Variants in CYTH1 observed in about 807,000 individuals in gnomAD.
CYTH1 encodes the protein cytohesin 1.
CYTH1 carries 18 observed loss-of-function variants against 61.8 expected under a neutral mutation model. The ratio of observed to expected loss-of-function variants is 0.29; its 90% CI spans 0.20 to 0.43. The LOEUF is 0.43. Ranked by LOEUF, CYTH1 falls within the 20% of genes least tolerant of loss-of-function variation. The pLI is 1.00. For synonymous variants in CYTH1, 174 were observed against 184.3 expected (o/e 0.94, Z 0.45); for missense variants, 336 against 510.5 (o/e 0.66, Z 3.29).
intron 1 of CYTH1, among the ~76,000 whole-genome samples, chr17:78,770,076 G>A (rs1379389548): frequency 6.6e-6 from 1 of 151,904 alleles, no homozygotes; most frequent in Admixed American, 6.6e-5. Context: ...CCTAAGCCAG[G>A]GAGTCAGAGG....
At chr17:78,690,260 C>G (rs998736680) in intron 11 of CYTH1, among the ~76,000 whole-genome samples, 5 of 151,392 alleles carry the variant, frequency 3.3e-5, no homozygotes, top group African/African-American at 1.2e-4. Flanking sequence ...CTGGGCGTGG[C>G]AGCAGCGCCT....
At chr17:78,723,633 A>G (rs1407950002) in intron 1 of CYTH1, 7 of 152,538 alleles carry the variant, frequency 4.6e-5, no homozygotes, top group Non-Finnish European at 1.0e-4. Context: ...ACTATCCCCC[A>G]TTCCCGGCCT....
chr17:78,750,746 G>A (rs1191456608), intron 1 of CYTH1, among the ~76,000 whole-genome samples: 1 of 145,656 alleles, frequency 6.9e-6, no homozygotes, highest in African/African-American at 2.6e-5. Context: ...AGGTTGCAGT[G>A]AGCCGAGATC....
intron 1 of CYTH1, among the ~76,000 whole-genome samples, chr17:78,735,608 C>T (rs1038361458): frequency 2.0e-5 from 3 of 152,194 alleles, no homozygotes; most frequent in Non-Finnish European, 2.9e-5. Context: ...CTTTCAGTGT[C>T]GCCCGTGGAC....
At chr17:78,695,645 A>G (rs1249492458) in intron 10 of CYTH1, among the ~76,000 whole-genome samples, 1 of 152,220 alleles carries the variant, frequency 6.6e-6, no homozygotes, top group East Asian at 1.9e-4. Context: ...TTAACTTTCA[A>G]TCAGGCTGAT....
intron 1 of CYTH1, among the ~76,000 whole-genome samples, chr17:78,730,704 G>T (rs941956719): frequency 6.6e-6 from 1 of 151,210 alleles, no homozygotes; most frequent in African/African-American, 2.4e-5. Context: ...TCGCTCTGTC[G>T]CCCAGGCTGG....
chr17:78,761,984 G>A (rs985445688), intron 1 of CYTH1, among the ~76,000 whole-genome samples: 2 of 152,192 alleles, frequency 1.3e-5, no homozygotes, highest in Non-Finnish European at 1.5e-5. Flanking sequence ...CATCTGGCCT[G>A]CTTCCTCCAT....
chr17:78,754,136 G>A (rs1395636755), intron 1 of CYTH1, among the ~76,000 whole-genome samples: 16 of 152,100 alleles, frequency 1.1e-4, no homozygotes, highest in Admixed American at 1.0e-3. Flanking sequence ...ACCGGCTACT[G>A]AGAAGCAGCG....
chr17:78,766,433 CCAGG>C (rs1369751915), intron 1 of CYTH1, among the ~76,000 whole-genome samples: 8 of 152,148 alleles, frequency 5.3e-5, no homozygotes, highest in African/African-American at 1.9e-4. Context: ...TCATCAAAGG[CCAGG>C]CTGAGTAATT....
intron 1 of CYTH1, among the ~76,000 whole-genome samples, chr17:78,771,412 C>T (rs1320669093): frequency 2.0e-5 from 3 of 151,948 alleles, no homozygotes; most frequent in Non-Finnish European, 2.9e-5. Flanking sequence ...TGCCCTCCAA[C>T]CTGGACGACA....
chr17:78,709,617 T>A (rs2093106699), intron 2 of CYTH1, 33 bp downstream of exon 2: 1 of 1,609,812 alleles, frequency 6.2e-7, no homozygotes, highest in South Asian at 1.1e-5. Context: ...CTGTGGTTCT[T>A]ACGTTGGTGA....
At chr17:78,698,156 TGCACAC>T (rs950507603) in intron 9 of CYTH1, 107 bp downstream of exon 9, 4 of 875,812 alleles carry the variant, frequency 4.6e-6, no homozygotes, top group African/African-American at 1.7e-5. Flanking sequence ...CGCGCACACA[TGCACAC>T]GCACAAACAC....
chr17:78,778,962 A>C (rs2093504960), intron 1 of CYTH1, among the ~76,000 whole-genome samples: 1 of 152,172 alleles, frequency 6.6e-6, no homozygotes, highest in Admixed American at 6.6e-5. Flanking sequence ...CTGGAGACTA[A>C]CACAAACCTT....
chr17:78,690,591 G>A (rs2092874186), intron 11 of CYTH1, among the ~76,000 whole-genome samples: 1 of 151,696 alleles, frequency 6.6e-6, no homozygotes. Context: ...AGCTACTCAG[G>A]AGGCTGAGAT....
At chr17:78,693,904 T>G (rs2092913795) in intron 10 of CYTH1, among the ~76,000 whole-genome samples, 1 of 152,210 alleles carries the variant, frequency 6.6e-6, no homozygotes, top group Non-Finnish European at 1.5e-5. Context: ...TGCTAAGACT[T>G]AACCTACAGA....
At chr17:78,703,785 T>C (rs1208735765) in intron 3 of CYTH1, among the ~76,000 whole-genome samples, 1 of 152,202 alleles carries the variant, frequency 6.6e-6, no homozygotes, top group Non-Finnish European at 1.5e-5. Context: ...TGCTGCTGGG[T>C]CATCTTCCAT....
intron 11 of CYTH1, among the ~76,000 whole-genome samples, chr17:78,685,370 T>C (rs1326592968): frequency 2.6e-5 from 4 of 152,130 alleles, no homozygotes; most frequent in Non-Finnish European, 4.4e-5. Flanking sequence ...ACTTTTACAT[T>C]GTCCAGGTTT....
chr17:78,779,495 A>T (rs8078530), intron 1 of CYTH1, among the ~76,000 whole-genome samples: 150,215 of 152,208 alleles, frequency 0.99, 74,127 homozygotes, highest in Middle Eastern at 1. Flanking sequence ...CCCCTAAAGA[A>T]GTCCGGGTAC....
chr17:78,730,369 CAAAAAAA>C (rs56790957), intron 1 of CYTH1, among the ~76,000 whole-genome samples: 27 of 95,354 alleles, frequency 2.8e-4, no homozygotes, highest in Non-Finnish European at 8.1e-5. Flanking sequence ...ACTAAAAATA[CAAAAAAA>C]AAAAAAAAAA....
Sources: gnomAD v4.1 joint callset for allele counts (sites outside exome capture counted in the v4.1 genomes callset) on GRCh38, gnomAD v4.1.1 for gene constraint, MANE v1.5 for transcripts, NCBI Gene and HGNC (gene_info 2026-07-23, HGNC 2026-07-21) for gene names.